Variants in CIITA observed in about 807,000 individuals in gnomAD.
CIITA encodes class II major histocompatibility complex transactivator.
A neutral mutation model predicts 115.1 loss-of-function variants in CIITA; 72 were observed. The ratio of observed to expected loss-of-function variants is 0.63; its 90% CI spans 0.52 to 0.76. CIITA has a LOEUF of 0.76. CIITA is among the 30% of genes least tolerant of loss of function. The pLI, the probability that CIITA is intolerant of heterozygous loss-of-function variation, is 0.00. For missense variants in CIITA, 1,617 were observed against 1,463.8 expected, an observed-to-expected ratio of 1.10 and a Z score of -1.71; for synonymous variants, 763 against 635.6, an observed-to-expected ratio of 1.20 and a Z score of -3.02.
intron 3 of CIITA, among the ~76,000 whole-genome samples, chr16:10,898,086 C>G (rs569670947): frequency 1.3e-5 from 2 of 152,344 alleles, no homozygotes; most frequent in Non-Finnish European, 2.9e-5. Flanking sequence ...CTCCAGGAAG[C>G]CTTCCCTGAT....
chr16:10,878,944 G>C (rs1216370532), intron 1 of CIITA: 2 of 226,008 alleles, frequency 8.8e-6, no homozygotes, highest in Admixed American at 1.1e-4. Flanking sequence ...CGGGGAGGTA[G>C]GATGACCAGC....
intron 1 of CIITA, chr16:10,866,650 G>A (rs997921329): frequency 2.5e-6 from 1 of 397,430 alleles, no homozygotes; most frequent in Non-Finnish European, 5.0e-6. Flanking sequence ...TCTCTGAAAG[G>A]GAAGTCAATG....
Position 10,916,376 on chromosome 16 carries a change from G to T in CIITA, c.2979G>T (p.Ala993=). The T allele has an allele frequency of 6.2e-7, 1 of 1,613,786 alleles. No individual in the cohort carries two copies. Among genetic ancestry groups the T allele is most frequent in the Non-Finnish European group, 8.5e-7 (1 of 1,179,890 alleles). The part of the protein sequence containing the change: ...FSSLQHLDLD[A]LSENKIGDEG... ...CTGATTCCACCTGCAGCCTGGATGCGCTGAGTGAGAACAAGATCGGGGACG... is the reference window on the plus strand; with the variant it reads ...CTGATTCCACCTGCAGCCTGGATGCTCTGAGTGAGAACAAGATCGGGGACG... Residue 993 remains alanine (A), a synonymous_variant, in exon 15 of 20, where the codon GCG becomes GCT. Coordinates refer to ENST00000324288, the MANE Select transcript of CIITA (RefSeq NM_000246.4).
chr16:10,878,647 C>T (rs1422400611), intron 1 of CIITA, among the ~76,000 whole-genome samples: 1 of 152,206 alleles, frequency 6.6e-6, no homozygotes, highest in Non-Finnish European at 1.5e-5. Flanking sequence ...CAGAGACCCA[C>T]CCAGGGGTGG....
rs2039944331 is a variant in CIITA, at chr16:10,916,300, C to G, written c.2970-67C>G. 6.0e-6 allele frequency: 9 copies of G among 1,500,988 alleles called. No individual in the cohort carries two copies. In the South Asian group the frequency reaches 1.0e-4, roughly 17 times the overall value. 93.0% of individuals were successfully genotyped at this position (1,500,988 alleles called of 1,614,324 possible). On this transcript the variant is annotated intron_variant, in intron 14 of 19. Transcript: ENST00000324288. Reference sequence around the variant, plus strand: ...GGTGCCAGGGCTGAGGAGGCCCTCACTGGGATGGGAAGGGTCAGATGGCCC... The same window carrying G: ...GGTGCCAGGGCTGAGGAGGCCCTCAGTGGGATGGGAAGGGTCAGATGGCCC...
upstream of CIITA, among the ~76,000 whole-genome samples, chr16:10,875,111 T>C (rs2035743826): frequency 6.6e-6 from 1 of 151,900 alleles, no homozygotes; most frequent in African/African-American, 2.4e-5. Flanking sequence ...ACACGCACCA[T>C]CACGCCCAGG....
At chr16:10,910,312 C>A in intron 13 of CIITA, 53 bp downstream of exon 13, 1 of 1,462,130 alleles carries the variant, frequency 6.8e-7, no homozygotes, top group Non-Finnish European at 9.5e-7. Context: ...TCCCCTGCAG[C>A]ATTAGCTGGG....
At chr16:10,909,507 A>T (rs1443126790) in intron 12 of CIITA, among the ~76,000 whole-genome samples, 1 of 152,222 alleles carries the variant, frequency 6.6e-6, no homozygotes, top group Non-Finnish European at 1.5e-5. Context: ...ACCTACTGCC[A>T]CCCTTTGAGG....
At chr16:10,922,948 T>C (rs1596618405) in intron 18 of CIITA, 1 of 542,686 alleles carries the variant, frequency 1.8e-6, no homozygotes, top group Non-Finnish European at 3.3e-6. Flanking sequence ...ACAGGGTGGG[T>C]CTTACAAGAC....
intron 1 of CIITA, among the ~76,000 whole-genome samples, chr16:10,883,118 C>A (rs894804142): frequency 6.6e-6 from 1 of 151,994 alleles, no homozygotes; most frequent in African/African-American, 2.4e-5. Flanking sequence ...AGAGTGCTGG[C>A]GGGGGGACTG....
chr16:10,895,225 A>T, intron 1 of CIITA, 57 bp from the exon 2 acceptor site: 3 of 1,607,332 alleles, frequency 1.9e-6, no homozygotes, highest in Non-Finnish European at 2.5e-6. Context: ...GTAGGTGTCA[A>T]TTTTCTGCCT....
At chr16:10,887,088 C>T (rs1288269819) in intron 1 of CIITA, among the ~76,000 whole-genome samples, 1 of 152,138 alleles carries the variant, frequency 6.6e-6, no homozygotes, top group Non-Finnish European at 1.5e-5. Context: ...CTACAGGGTG[C>T]ATGAGCAAAA....
In CIITA at chr16:10,928,179, G is replaced by C. The variant is rs753842429; in HGVS notation, c.*4324G>C. Reference sequence around the variant, plus strand: ...CTCAGTCTCCTCGCCTGTAGAAAGGGGTCAATCGTTTGAACCCTGCTTCAC... The same window carrying C: ...CTCAGTCTCCTCGCCTGTAGAAAGGCGTCAATCGTTTGAACCCTGCTTCAC... On this transcript the variant is annotated 3_prime_UTR_variant, in exon 20 of 20. Transcript: ENST00000324288. The C allele has an allele frequency of 3.3e-5, 5 of 152,180 alleles. No homozygotes were observed. Among genetic ancestry groups the C allele is most frequent in the African/African-American group, 7.2e-5 (3 of 41,422 alleles). 9.4% of individuals were successfully genotyped at this position (152,180 alleles called of 1,614,324 possible). A position where few individuals can be genotyped will look rare whatever the true frequency, so the allele number is the denominator to read the frequency against.
At chr16:10,916,123 A>G (rs2039933629) in intron 14 of CIITA, among the ~76,000 whole-genome samples, 1 of 152,240 alleles carries the variant, frequency 6.6e-6, no homozygotes, top group Admixed American at 6.5e-5. Context: ...CTTAGTTCCT[A>G]AGAAGCTAAA....
In CIITA at chr16:10,903,749, G is replaced by A. The variant is rs2038944863; in HGVS notation, c.791G>A (p.Ser264Asn). ...FIYHGEVPQA[S>N]QVPPPSGFTV... Reference sequence around the variant, plus strand: ...AATGTAGGTGAGGTGCCCCAGGCCAGCCAAGTACCCCCTCCCAGTGGATTC... The same window carrying A: ...AATGTAGGTGAGGTGCCCCAGGCCAACCAAGTACCCCCTCCCAGTGGATTC... The change falls in exon 9 of 20, where the codon AGC becomes AAC. Residue 264 changes from serine (S) to asparagine (N), a missense_variant. Ser to Asn is a conservative substitution (Grantham distance 46, BLOSUM62 1). Coordinates refer to ENST00000324288, the MANE Select transcript of CIITA (RefSeq NM_000246.4). 6.2e-7 allele frequency: 1 copy of A among 1,614,138 alleles called. No homozygotes were observed.
intron 1 of CIITA, among the ~76,000 whole-genome samples, chr16:10,881,930 C>G (rs9928334): frequency 6.6e-6 from 1 of 152,132 alleles, no homozygotes; most frequent in African/African-American, 2.4e-5. Context: ...TGATATTTGT[C>G]TTTTTGTGCC....
In CIITA at chr16:10,907,010, G is replaced by T. The variant is rs201215476; in HGVS notation, c.1518G>T (p.Ala506=). 2 of 1,609,546 alleles carry T rather than the reference G, an allele frequency of 1.2e-6. No homozygotes were observed. Among genetic ancestry groups the T allele is most frequent in the Non-Finnish European group, 8.5e-7 (1 of 1,179,838 alleles). Residue 506 remains alanine (A), a synonymous_variant, in exon 11 of 20, where the codon GCG becomes GCT. Transcript: ENST00000324288. This position sits in a 1 kb window ranked among gnomAD's most constrained non-coding sequence, Gnocchi z 5.0. ...TAGACGGCTTCGAGGAGCTGGAAGC[G>T]CAAGATGGCTTCCTGCACAGCACGT... ...LILDGFEELE[A]QDGFLHSTCG...
At chr16:10,868,625 G>A (rs1048194292) in intron 1 of CIITA, among the ~76,000 whole-genome samples, 3 of 152,168 alleles carry the variant, frequency 2.0e-5, no homozygotes, top group African/African-American at 7.2e-5. Flanking sequence ...TGGTGGCACA[G>A]ATGCCACCTG....
In CIITA at chr16:10,931,857, C is replaced by T. The variant is rs1245143477; in HGVS notation, c.*8002C>T. Reference sequence around the variant, plus strand: ...AGTGAGCCGAGATCACGCCACTGCACTATAGCCTAGGTGACAGAGTGAGAC... The same window carrying T: ...AGTGAGCCGAGATCACGCCACTGCATTATAGCCTAGGTGACAGAGTGAGAC... On this transcript the variant is annotated 3_prime_UTR_variant, in exon 20 of 20. Transcript: ENST00000324288. The T allele has an allele frequency of 6.6e-6, 1 of 152,254 alleles. No homozygotes were observed. The highest frequency in any genetic ancestry group is 2.4e-5 in the African/African-American group (1 of 41,466). The allele number at this position is 152,254 out of a possible 1,614,324, so 9.4% of individuals were successfully genotyped here. A position where few individuals can be genotyped will look rare whatever the true frequency, so the allele number is the denominator to read the frequency against.
Sources: gnomAD v4.1 joint callset for allele counts (sites outside exome capture counted in the v4.1 genomes callset) on GRCh38, gnomAD v4.1.1 for gene constraint, Gnocchi (gnomAD v3.1) non-coding constraint, MANE v1.5 for transcripts, NCBI Gene and HGNC (gene_info 2026-07-23, HGNC 2026-07-21) for gene names.